The following TET3 variants were observed in gnomAD, a reference collection of about 807,000 sequenced individuals.
The protein encoded by TET3 is tet methylcytosine dioxygenase 3.
Under a neutral mutation model 141.4 loss-of-function variants are expected in TET3, and 19 were observed. That is an observed-to-expected ratio of 0.13 (90% CI 0.09 to 0.20). The LOEUF is 0.20. Ranked by LOEUF, TET3 falls within the 10% of genes least tolerant of loss-of-function variation. The pLI, the probability that TET3 is intolerant of heterozygous loss-of-function variation, is 1.00. For missense variants in TET3, 1,874 were observed against 2,356.9 expected (o/e 0.80, Z 4.24); for synonymous variants, 1,043 against 980.9 (o/e 1.06, Z -1.18).
chr2:74,068,745 A>T (rs1689041770), intron 4 of TET3, among the ~76,000 whole-genome samples: 1 of 152,250 alleles, frequency 6.6e-6, no homozygotes, highest in Non-Finnish European at 1.5e-5. Context: ...ATGACTTATC[A>T]GACTTTTTGG....
chr2:74,036,413 C>G (rs1489326227), intron 3 of TET3, among the ~76,000 whole-genome samples: 1 of 152,144 alleles, frequency 6.6e-6, no homozygotes, highest in African/African-American at 2.4e-5. Context: ...AATTTAAAAC[C>G]ATCTCCCTAT....
At chr2:74,010,326 T>A (rs1685363860) in intron 3 of TET3, among the ~76,000 whole-genome samples, 1 of 152,192 alleles carries the variant, frequency 6.6e-6, no homozygotes. Context: ...GCTGGGTCTT[T>A]GCCCGAGGTC....
At chr2:74,032,489 G>GCGCGCGCGCGCGA (rs1558730157) in intron 3 of TET3, among the ~76,000 whole-genome samples, 2 of 150,644 alleles carry the variant, frequency 1.3e-5, no homozygotes, top group African/African-American at 2.5e-5. Context: ...GTGTGTGTGT[G>GCGCGCGCGCGCGA]TGTGTGTGTG....
In TET3 at chr2:74,100,505, C is replaced by T; in HGVS notation, c.3717C>T (p.Ser1239=). Residue 1239 remains serine, a synonymous_variant, in exon 12 of 12, where the codon AGC becomes AGT. Coordinates refer to ENST00000409262, the MANE Select transcript of TET3 (RefSeq NM_001287491.2). ...ACAGCGGCAACGCGGTGGTGGAGAGCTACTCGGTGCTGGGCAACTGCCGGC... is the reference window on the plus strand; with the variant it reads ...ACAGCGGCAACGCGGTGGTGGAGAGTTACTCGGTGCTGGGCAACTGCCGGC... ...FKYSGNAVVE[S]YSVLGNCRPS... is the part of the protein sequence containing the mutation. The T allele has an allele frequency of 6.2e-7, 1 of 1,605,524 alleles. No homozygotes were observed. Among genetic ancestry groups the T allele is most frequent in the Non-Finnish European group, 8.5e-7 (1 of 1,176,132 alleles).
At chr2:74,130,386 A>G in the TET3 span, among the ~76,000 whole-genome samples, 1 of 152,162 alleles carries the variant, frequency 6.6e-6, no homozygotes, top group Non-Finnish European at 1.5e-5. Flanking sequence ...GCATAGCCCG[A>G]CCAGCAATAT....
chr2:74,095,153 C>T (rs1195061602), intron 10 of TET3, among the ~76,000 whole-genome samples: 2 of 152,260 alleles, frequency 1.3e-5, no homozygotes, highest in Non-Finnish European at 2.9e-5. Context: ...AAAGAGGGCT[C>T]CCAGATTCCG....
intron 5 of TET3, among the ~76,000 whole-genome samples, chr2:74,077,724 C>T (rs1009939467): frequency 1.3e-5 from 2 of 152,076 alleles, no homozygotes; most frequent in Admixed American, 6.5e-5. Context: ...CTCACAGGGG[C>T]GGGATGGTGG....
chr2:73,987,604 G>A (rs1031193791), intron 2 of TET3, among the ~76,000 whole-genome samples: 4 of 152,204 alleles, frequency 2.6e-5, no homozygotes, highest in Non-Finnish European at 5.9e-5. Context: ...CGGTGTAGCC[G>A]CTGAGGTCGC....
At chr2:74,124,723 G>A in the TET3 span, among the ~76,000 whole-genome samples, 6 of 152,092 alleles carry the variant, frequency 3.9e-5, no homozygotes, top group East Asian at 9.7e-4. Flanking sequence ...ATGCTTGAAG[G>A]CAGCATGCTC....
At chr2:74,067,461 A>G (rs1464167541) in intron 4 of TET3, among the ~76,000 whole-genome samples, 1 of 152,254 alleles carries the variant, frequency 6.6e-6, no homozygotes, top group Non-Finnish European at 1.5e-5. Flanking sequence ...ACATAGAGGC[A>G]TGAGGATTAG....
At chr2:74,068,315 A>G (rs964691288) in intron 4 of TET3, among the ~76,000 whole-genome samples, 44 of 150,400 alleles carry the variant, frequency 2.9e-4, no homozygotes, top group African/African-American at 1.1e-3. Flanking sequence ...GTGTATGTAC[A>G]AATGTATGTG....
At chr2:74,048,746 G>C (rs1205342938) in intron 4 of TET3, among the ~76,000 whole-genome samples, 1 of 152,218 alleles carries the variant, frequency 6.6e-6, no homozygotes, top group Non-Finnish European at 1.5e-5. Context: ...CTAGAAGAGG[G>C]AGTAGCTTGG....
intron 4 of TET3, among the ~76,000 whole-genome samples, chr2:74,064,756 G>GA (rs1403598796): frequency 6.6e-6 from 1 of 151,890 alleles, no homozygotes; most frequent in Non-Finnish European, 1.5e-5. Flanking sequence ...TAAAAAATTT[G>GA]AAAAAACTGA....
Position 74,105,483 on chromosome 2 carries a change from A to G in TET3, c.*3307A>G. On this transcript the variant is annotated 3_prime_UTR_variant, in exon 12 of 12. Transcript: ENST00000409262. ...CAGAAATCTTGACTAAAGGTGTTGC[A>G]TGGATTTGGGGGTCTTTCGGTTTTT... The G allele has an allele frequency of 2.5e-6, 1 of 398,066 alleles. No homozygotes were observed. The highest frequency in any genetic ancestry group is 3.6e-5 in the East Asian group (1 of 28,072). The allele number at this position is 398,066 out of a possible 1,614,324, so 24.7% of individuals were successfully genotyped here.
chr2:74,066,300 T>TAAGATA (rs1688895877), intron 4 of TET3, among the ~76,000 whole-genome samples: 1 of 152,220 alleles, frequency 6.6e-6, no homozygotes, highest in Non-Finnish European at 1.5e-5. Context: ...CTCAGGATCC[T>TAAGATA]TTAAGTACCG....
Position 74,048,411 on chromosome 2 carries a change from G to A in TET3, c.2494G>A (p.Glu832Lys), listed in dbSNP as rs2103703006. The part of the protein sequence containing the change: ...QAEFPTCDCV[E>K]QIVEKDEGPY... The stretch of plus-strand genomic sequence containing the variant: ...CGAGTTCCCCACCTGCGATTGCGTC[G>A]GTAAGTCCGCCTGGGTATCAGGGAA... The change falls in exon 4 of 12, where the codon GAA (glutamate) becomes AAA (lysine). Residue 832 changes from glutamate (E) to lysine (K), a missense_variant and splice_region_variant. Glu to Lys is a moderately conservative substitution (Grantham distance 56, BLOSUM62 1). Around this residue, in one of 10 missense-constraint regions of TET3, gnomAD observed 83 missense variants for 107.0 expected, o/e 0.78. Transcript: ENST00000409262. 7 of 1,603,208 alleles carry A rather than the reference G, an allele frequency of 4.4e-6. No individual in the cohort carries two copies. The highest frequency in any genetic ancestry group is 2.2e-5 in the East Asian group (1 of 44,736).
At chr2:73,998,824 G>A (rs971966655) in intron 2 of TET3, among the ~76,000 whole-genome samples, 1 of 152,032 alleles carries the variant, frequency 6.6e-6, no homozygotes, top group Non-Finnish European at 1.5e-5. Context: ...GATCCTTTGT[G>A]TGATGAAGAG....
intron 4 of TET3, among the ~76,000 whole-genome samples, chr2:74,053,222 T>C (rs1475575081): frequency 4.6e-5 from 7 of 151,232 alleles, no homozygotes; most frequent in Non-Finnish European, 1.0e-4. Context: ...ATGTGGATAT[T>C]TAAAAATACT....
intron 3 of TET3, among the ~76,000 whole-genome samples, chr2:74,021,562 C>T (rs899637127): frequency 1.3e-5 from 2 of 152,184 alleles, no homozygotes; most frequent in Admixed American, 6.5e-5. Flanking sequence ...CTGAACCAGC[C>T]GAGGCCTTCC....
Sources: gnomAD v4.1 joint callset for allele counts (sites outside exome capture counted in the v4.1 genomes callset) on GRCh38, gnomAD v4.1.1 for gene constraint, gnomAD v4.1.1 regional missense constraint, MANE v1.5 for transcripts, NCBI Gene and HGNC (gene_info 2026-07-23, HGNC 2026-07-21) for gene names.